ABCC5: variants seen among roughly 807,000 people sequenced by gnomAD.
The protein encoded by ABCC5 is ATP binding cassette subfamily C member 5, also known as ATP-binding cassette sub-family C member 5.
Under a neutral mutation model 160.9 loss-of-function variants are expected in ABCC5, and 61 were observed. The observed-to-expected ratio is 0.38, with a 90% CI of 0.31 to 0.47. The LOEUF is 0.47. ABCC5 is among the 20% of genes least tolerant of loss of function. The probability of loss-of-function intolerance (pLI) is 0.99; values close to 1 mark genes in which losing one functional copy is unlikely to be tolerated. For synonymous variants in ABCC5, 666 were observed against 700.6 expected (o/e 0.95, Z 0.78); for missense variants, 1,308 against 1,813.3 (o/e 0.72, Z 5.06).
chr3:183,937,299 C>T, intron 26 of ABCC5, among the ~76,000 whole-genome samples: 1 of 152,214 alleles, frequency 6.6e-6, no homozygotes, highest in African/African-American at 2.4e-5. Flanking sequence ...ATCACTTGAA[C>T]CCAGGAGGCG....
chr3:183,998,494 A>G (rs529725791), intron 2 of ABCC5, among the ~76,000 whole-genome samples: 16 of 152,176 alleles, frequency 1.1e-4, no homozygotes, highest in Non-Finnish European at 2.2e-4. Context: ...TGTGCCAGAC[A>G]CTGTTTTAAA....
chr3:183,936,094 A>G (rs1432228673), intron 26 of ABCC5, among the ~76,000 whole-genome samples: 2 of 152,064 alleles, frequency 1.3e-5, no homozygotes, highest in Non-Finnish European at 2.9e-5. Flanking sequence ...TTAGGTTTAG[A>G]TGAGATCATG....
intron 2 of ABCC5, chr3:184,000,659 G>A (rs1047658788): frequency 6.6e-5 from 10 of 152,142 alleles, no homozygotes; most frequent in Admixed American, 2.0e-4. Flanking sequence ...AAACATACAC[G>A]GTCTGAACAT....
intron 26 of ABCC5, among the ~76,000 whole-genome samples, chr3:183,935,668 C>T (rs1250362447): frequency 6.6e-6 from 1 of 151,566 alleles, no homozygotes; most frequent in South Asian, 2.1e-4. Flanking sequence ...TGGGCCACCA[C>T]ACCTGGCTAA....
At chr3:183,967,606 T>A in intron 12 of ABCC5, 89 bp downstream of exon 12, 1 of 1,164,748 alleles carries the variant, frequency 8.6e-7, no homozygotes, top group East Asian at 2.4e-5. Context: ...TTTCCACCTT[T>A]CCTGACTCTC....
At chr3:183,962,112 A>G (rs1361916409) in intron 15 of ABCC5, among the ~76,000 whole-genome samples, 2 of 152,134 alleles carry the variant, frequency 1.3e-5, no homozygotes, top group Admixed American at 6.6e-5. Context: ...TCAATTTACA[A>G]TGGGCTTACA....
At chr3:183,927,497 T>C in intron 27 of ABCC5, 54 bp from the exon 28 acceptor site, 2 of 1,558,000 alleles carry the variant, frequency 1.3e-6, no homozygotes, top group Non-Finnish European at 8.7e-7. Context: ...CTGAATTTCC[T>C]GAAAATCCAA....
chr3:183,994,653 C>T (rs1560044296), intron 2 of ABCC5, among the ~76,000 whole-genome samples: 1 of 152,054 alleles, frequency 6.6e-6, no homozygotes, highest in Non-Finnish European at 1.5e-5. Context: ...GGATTACAGG[C>T]GTGAGCCACC....
chr3:184,003,992 T>C (rs114952814), intron 2 of ABCC5, among the ~76,000 whole-genome samples: 34 of 152,290 alleles, frequency 2.2e-4, no homozygotes, highest in African/African-American at 7.7e-4. Flanking sequence ...GCCTACCTAC[T>C]AGAATCACCA....
intron 17 of ABCC5, among the ~76,000 whole-genome samples, chr3:183,954,977 A>T (rs924447471): frequency 6.6e-6 from 1 of 152,116 alleles, no homozygotes; most frequent in South Asian, 2.1e-4. Flanking sequence ...CTGATTGGCA[A>T]TTGGTTGAAA....
chr3:183,946,508 G>A (rs1714863687), intron 23 of ABCC5, among the ~76,000 whole-genome samples: 1 of 152,100 alleles, frequency 6.6e-6, no homozygotes, highest in Non-Finnish European at 1.5e-5. Context: ...GGGTTCCTTT[G>A]ACTATTTATT....
chr3:183,952,695 C>T (rs929101904), intron 18 of ABCC5, among the ~76,000 whole-genome samples: 12 of 152,192 alleles, frequency 7.9e-5, no homozygotes, highest in Non-Finnish European at 1.3e-4. Context: ...AAGAAGGTGC[C>T]TCCTTCTCCT....
intron 17 of ABCC5, among the ~76,000 whole-genome samples, chr3:183,958,629 C>T (rs1452387823): frequency 1.3e-5 from 2 of 151,980 alleles, no homozygotes; most frequent in Non-Finnish European, 2.9e-5. Context: ...ACTCCCAATA[C>T]CAAATATCTC....
At chr3:183,984,488 A>C (rs1719027325) in intron 5 of ABCC5, 1 of 1,060,000 alleles carries the variant, frequency 9.4e-7, no homozygotes, top group Non-Finnish European at 1.1e-6. Flanking sequence ...TGAATTCCAA[A>C]ACCCAGACTC....
intron 11 of ABCC5, among the ~76,000 whole-genome samples, chr3:183,969,621 G>A (rs1717550593): frequency 6.6e-6 from 1 of 151,398 alleles, no homozygotes; most frequent in Admixed American, 6.6e-5. Context: ...GAACCCGGGA[G>A]GCAGAGGTTG....
At chr3:183,927,202 C>G in intron 28 of ABCC5, 128 bp downstream of exon 28, 1 of 892,770 alleles carries the variant, frequency 1.1e-6, no homozygotes, top group South Asian at 1.7e-5. Context: ...AGAGTTATCT[C>G]TGGTCATGCT....
chr3:183,940,827 T>G (rs975232101), intron 25 of ABCC5, among the ~76,000 whole-genome samples: 3 of 152,068 alleles, frequency 2.0e-5, no homozygotes, highest in Non-Finnish European at 4.4e-5. Flanking sequence ...GAAGCCCTAT[T>G]AGAACCGGAG....
chr3:183,935,381 C>CA (rs1433193074), intron 26 of ABCC5, among the ~76,000 whole-genome samples: 2 of 147,886 alleles, frequency 1.4e-5, no homozygotes, highest in Non-Finnish European at 3.0e-5. Flanking sequence ...GGGGTTTCAG[C>CA]ATATTGGCCA....
At chr3:184,002,762 G>A (rs1365780821) in intron 2 of ABCC5, among the ~76,000 whole-genome samples, 3 of 152,300 alleles carry the variant, frequency 2.0e-5, no homozygotes, top group East Asian at 1.9e-4. Context: ...ATCGTTCCCC[G>A]TCTGAACAAT....
Sources: allele counts gnomAD v4.1 joint callset (sites outside exome capture counted in the v4.1 genomes callset), GRCh38; gene constraint gnomAD v4.1.1; transcripts MANE v1.5; gene names NCBI Gene and HGNC (gene_info 2026-07-23, HGNC 2026-07-21).